MEI1: variants seen among roughly 807,000 people sequenced by gnomAD.
The protein encoded by MEI1 is meiosis inhibitor protein 1.
Under a neutral mutation model 146.2 loss-of-function variants are expected in MEI1, and 103 were observed. The ratio of observed to expected loss-of-function variants is 0.70; its 90% CI spans 0.60 to 0.83. The LOEUF (loss-of-function observed/expected upper bound fraction) is 0.83, where lower values mean the gene tolerates loss of function less well. Ranked by LOEUF, MEI1 falls within the 40% of genes least tolerant of loss-of-function variation. MEI1 has a pLI of 0.00. For missense variants in MEI1, 1,529 were observed against 1,533.0 expected (o/e 1.00, Z 0.04); for synonymous variants, 652 against 628.2 (o/e 1.04, Z -0.57).
chr22:41,725,123 T>TA (rs1268279940), intron 7 of MEI1, among the ~76,000 whole-genome samples: 5 of 151,658 alleles, frequency 3.3e-5, no homozygotes, highest in African/African-American at 9.7e-5. Flanking sequence ...TTATTATTAT[T>TA]TTTTTTTTGA....
chr22:41,729,614 TG>T, intron 7 of MEI1, 50 bp from the exon 8 acceptor site: 1 of 1,219,648 alleles, frequency 8.2e-7, no homozygotes, highest in Non-Finnish European at 1.2e-6. Flanking sequence ...CCAGTTTTTC[TG>T]GTCCTATTCG....
rs368238102 is a variant in MEI1, at chr22:41,748,135, C to T, written c.1709C>T (p.Ala570Val). Residue 570 changes from alanine to valine, a missense_variant, in exon 15 of 31, where the codon GCT becomes GTT. By Grantham distance (64) the Ala-to-Val change is moderately conservative. This residue lies in a region of MEI1 where 1,212 missense variants were observed against 1,178.9 expected (regional missense o/e 1.03). Coordinates refer to ENST00000401548, the MANE Select transcript of MEI1 (RefSeq NM_152513.4). ...CACTTGGAGCAGACCACCCACCCAGCTTTGATGGAAGTTTTCCTCTCAATT... is the reference window on the plus strand; with the variant it reads ...CACTTGGAGCAGACCACCCACCCAGTTTTGATGGAAGTTTTCCTCTCAATT... ...MRHLEQTTHP[A>V]LMEVFLSILH... The T allele has an allele frequency of 1.7e-5, 28 of 1,613,924 alleles. No individual in the cohort carries two copies. In the African/African-American group the frequency reaches 3.5e-4, roughly 20 times the overall value.
intron 19 of MEI1, among the ~76,000 whole-genome samples, chr22:41,766,559 T>G (rs891925079): frequency 6.6e-6 from 1 of 152,030 alleles, no homozygotes; most frequent in Non-Finnish European, 1.5e-5. Flanking sequence ...ATTATTATTA[T>G]TTTTCGAGAC....
chr22:41,742,164 G>A (rs1377365982), intron 11 of MEI1, among the ~76,000 whole-genome samples: 2 of 152,092 alleles, frequency 1.3e-5, no homozygotes, highest in Non-Finnish European at 2.9e-5. Context: ...GGTGGCTGAG[G>A]CAGGAGAATT....
At chr22:41,767,631 C>T (rs1181218065) in intron 19 of MEI1, 3 of 453,896 alleles carry the variant, frequency 6.6e-6, no homozygotes, top group South Asian at 1.6e-5. Context: ...AACTCTATGC[C>T]GATGATTTTT....
chr22:41,726,768 A>T (rs985894310), intron 7 of MEI1, among the ~76,000 whole-genome samples: 2 of 151,878 alleles, frequency 1.3e-5, no homozygotes, highest in Non-Finnish European at 2.9e-5. Flanking sequence ...AACAAGATAA[A>T]GATTAATTTC....
chr22:41,742,998 CCT>C (rs1433667627), intron 11 of MEI1, 80 bp from the exon 12 acceptor site: 14 of 886,160 alleles, frequency 1.6e-5, no homozygotes, highest in Middle Eastern at 3.2e-4. Flanking sequence ...AACTGCACTG[CCT>C]CTCATTGCCT....
At chr22:41,748,805 C>G (rs2073524431) in intron 15 of MEI1, among the ~76,000 whole-genome samples, 1 of 143,424 alleles carries the variant, frequency 7.0e-6, no homozygotes. Context: ...GTAGAACATG[C>G]TTTTTTTTTT....
At chr22:41,767,633 A>T (rs748223256) in intron 19 of MEI1, 4 of 453,944 alleles carry the variant, frequency 8.8e-6, no homozygotes, top group Non-Finnish European at 1.8e-5. Flanking sequence ...CTCTATGCCG[A>T]TGATTTTTTA....
chr22:41,752,747 G>T, intron 16 of MEI1, 96 bp downstream of exon 16: 2 of 1,059,778 alleles, frequency 1.9e-6, no homozygotes, highest in Non-Finnish European at 2.9e-6. Context: ...TTTAGTCATG[G>T]GCTCATGGTG....
In MEI1 at chr22:41,741,905, C is replaced by T. The variant is rs551279973; in HGVS notation, c.1332-1175C>T. ...GTTGCAGTGAGCTTAGATTGCGCCA[C>T]TGTACCCCAGCCTGGTGACAGAGCG... is the stretch of plus-strand genomic sequence containing the variant. On this transcript the variant is annotated intron_variant, in intron 11 of 30. Coordinates refer to ENST00000401548, the MANE Select transcript of MEI1 (RefSeq NM_152513.4). 2.1e-5 allele frequency among the ~76,000 whole-genome samples: 3 copies of T among 144,148 alleles called. No homozygotes were observed. In the South Asian group the frequency reaches 6.5e-4, roughly 31 times the overall value. The allele number at this position is 144,148 out of a possible 152,430, so 94.6% of individuals were successfully genotyped here. A position where few individuals can be genotyped will look rare whatever the true frequency, so the allele number is the denominator to read the frequency against.
rs142920323 is a variant in MEI1, at chr22:41,781,782, C to T, written c.3024C>T (p.Leu1008=). 105 of 1,613,988 alleles carry T rather than the reference C, an allele frequency of 6.5e-5. No homozygotes were observed. Among genetic ancestry groups the T allele is most frequent in the Non-Finnish European group, 8.8e-5 (104 of 1,179,902 alleles). The stretch of plus-strand genomic sequence containing the variant: ...AGGCAGATTCTCCCAGGACTGCACT[C>T]CTCTGCTCTGCCTGGCTGCTCACTG... ...LAKADSPRTA[L]LCSAWLLTAS... Residue 1008 remains leucine (L), a synonymous_variant, in exon 24 of 31, where the codon CTC becomes CTT. Transcript: ENST00000401548.
intron 18 of MEI1, among the ~76,000 whole-genome samples, chr22:41,760,291 CAG>C (rs1208034233): frequency 6.7e-6 from 1 of 149,218 alleles, no homozygotes; most frequent in African/African-American, 2.5e-5. Context: ...GCCTGGGCGA[CAG>C]AGAGAGACTC....
In MEI1 at chr22:41,700,999, G is replaced by A. The variant is rs371103757; in HGVS notation, c.174+1287G>A. On this transcript the variant is annotated intron_variant, in intron 1 of 30. Coordinates refer to ENST00000401548, the MANE Select transcript of MEI1 (RefSeq NM_152513.4). Reference sequence around the variant, plus strand: ...TTGTTGCCCAGGCTGGAGTGCAATGGCGCAATCTCAGCTCACCGCAACCTC... The same window carrying A: ...TTGTTGCCCAGGCTGGAGTGCAATGACGCAATCTCAGCTCACCGCAACCTC... Among the ~76,000 whole-genome samples the A allele has an allele frequency of 1.2e-3, 174 of 150,590 alleles. 1 individual carries two copies. Among genetic ancestry groups the A allele is most frequent in the African/African-American group, 4.0e-3 (164 of 40,942 alleles).
At chr22:41,723,144 A>G (rs935029656) in intron 6 of MEI1, among the ~76,000 whole-genome samples, 2 of 152,046 alleles carry the variant, frequency 1.3e-5, no homozygotes, top group Non-Finnish European at 2.9e-5. Flanking sequence ...AAATCCTCAT[A>G]TACATTTTCA....
intron 7 of MEI1, among the ~76,000 whole-genome samples, chr22:41,725,104 A>T: frequency 6.6e-6 from 1 of 150,832 alleles, no homozygotes; most frequent in Non-Finnish European, 1.5e-5. Flanking sequence ...ACCTAGCCTC[A>T]GTTGTAAATT....
intron 15 of MEI1, 34 bp from the exon 16 acceptor site, chr22:41,752,557 A>G (rs2073830229): frequency 6.4e-7 from 1 of 1,568,232 alleles, no homozygotes; most frequent in Non-Finnish European, 8.7e-7. Context: ...GTCTGGTTTA[A>G]ACTGCTCTCT....
At chr22:41,770,225 T>C (rs1569292559) in intron 19 of MEI1, among the ~76,000 whole-genome samples, 1 of 151,994 alleles carries the variant, frequency 6.6e-6, no homozygotes, top group East Asian at 1.9e-4. Context: ...TCTGCCACAG[T>C]CCCTACCCTC....
intron 1 of MEI1, among the ~76,000 whole-genome samples, chr22:41,700,464 G>T (rs1416289485): frequency 1.3e-5 from 2 of 152,126 alleles, no homozygotes; most frequent in Non-Finnish European, 2.9e-5. Flanking sequence ...CCCAGTAGCT[G>T]GGATTACAGG....
Sources: allele counts gnomAD v4.1 joint callset (sites outside exome capture counted in the v4.1 genomes callset), GRCh38; gene constraint gnomAD v4.1.1; regional missense constraint gnomAD v4.1.1; transcripts MANE v1.5; gene names NCBI Gene and HGNC (gene_info 2026-07-23, HGNC 2026-07-21).